Variants in HBEGF observed in about 807,000 individuals in gnomAD.
HBEGF encodes the protein heparin binding EGF like growth factor.
HBEGF carries 8 observed loss-of-function variants against 19.5 expected under a neutral mutation model. The ratio of observed to expected loss-of-function variants is 0.41; its 90% CI spans 0.24 to 0.74. HBEGF has a LOEUF of 0.74. Among genes scored for constraint, HBEGF ranks in the 30% least tolerant of loss-of-function variants. HBEGF has a pLI of 0.32. For synonymous variants in HBEGF, 97 were observed against 108.9 expected, an observed-to-expected ratio of 0.89 and a Z score of 0.68; for missense variants, 207 against 256.9, an observed-to-expected ratio of 0.81 and a Z score of 1.33.
intron 3 of HBEGF, among the ~76,000 whole-genome samples, chr5:140,336,689 C>T (rs1766232010): frequency 6.6e-6 from 1 of 152,270 alleles, no homozygotes; most frequent in Non-Finnish European, 1.5e-5. Context: ...TCTTTCATCA[C>T]AGGACAAACC....
chr5:140,343,983 C>G (rs1766355003), intron 2 of HBEGF, among the ~76,000 whole-genome samples: 1 of 152,050 alleles, frequency 6.6e-6, no homozygotes, highest in Non-Finnish European at 1.5e-5. Flanking sequence ...ACAAAAAATA[C>G]AAAAATTAGC....
chr5:140,334,559 G>A (rs1047702061), intron 5 of HBEGF, 99 bp downstream of exon 5: 12 of 809,684 alleles, frequency 1.5e-5, no homozygotes, highest in African/African-American at 5.1e-5. Flanking sequence ...CAGTAGCCTG[G>A]CCCCCAACCC....
Position 140,346,137 on chromosome 5 carries a change from C to G in HBEGF, c.47-53G>C, listed in dbSNP as rs1766396465. ...GACACCCGCCCAGACCCCTGACCAA[C>G]ACGCACCGATGCCGACGCCCGTCCG... On this transcript the variant is annotated intron_variant, in intron 1 of 5. Coordinates refer to ENST00000230990, the MANE Select transcript of HBEGF (RefSeq NM_001945.3). This position sits in a 1 kb window ranked among gnomAD's most constrained non-coding sequence, Gnocchi z 6.1. 1 of 1,585,036 alleles carries G rather than the reference C, an allele frequency of 6.3e-7. No homozygotes were observed. The highest frequency in any genetic ancestry group is 1.3e-5 in the African/African-American group (1 of 74,098).
intron 3 of HBEGF, among the ~76,000 whole-genome samples, chr5:140,338,563 C>T (rs1215765257): frequency 1.3e-5 from 2 of 152,126 alleles, no homozygotes; most frequent in Non-Finnish European, 2.9e-5. Context: ...CTCAGAGTCC[C>T]GCAATTCAGT....
At chr5:140,340,446 G>A (rs1766290400) in intron 3 of HBEGF, among the ~76,000 whole-genome samples, 1 of 151,812 alleles carries the variant, frequency 6.6e-6, no homozygotes, top group African/African-American at 2.4e-5. Context: ...AATTCGGCAT[G>A]GTGGCAGGTG....
chr5:140,345,369 A>G (rs1766379301), intron 2 of HBEGF, among the ~76,000 whole-genome samples: 1 of 152,134 alleles, frequency 6.6e-6, no homozygotes, highest in Admixed American at 6.5e-5. Flanking sequence ...ACAGCCCCCT[A>G]GGGGCTCAGT....
At chr5:140,344,247 C>T (rs1766359593) in intron 2 of HBEGF, among the ~76,000 whole-genome samples, 1 of 152,118 alleles carries the variant, frequency 6.6e-6, no homozygotes, top group Non-Finnish European at 1.5e-5. Flanking sequence ...CTCCAATGTC[C>T]TTCCTCACCA....
intron 5 of HBEGF, 142 bp from the exon 6 acceptor site, chr5:140,334,422 G>A: frequency 5.9e-6 from 3 of 506,946 alleles, no homozygotes; most frequent in South Asian, 5.9e-5. Context: ...GGAGGGGAAG[G>A]GAGGGGATGA....
At chr5:140,334,526 T>C in intron 5 of HBEGF, 132 bp downstream of exon 5, 1 of 707,942 alleles carries the variant, frequency 1.4e-6, no homozygotes. Flanking sequence ...TGAAAATAAT[T>C]CTGCAATGGG....
intron 4 of HBEGF, 137 bp downstream of exon 4, chr5:140,335,735 G>T: frequency 1.1e-6 from 1 of 932,032 alleles, no homozygotes; most frequent in South Asian, 1.7e-5. Flanking sequence ...CAGGTTTTTG[G>T]AGAATCTACA....
chr5:140,346,104 C>T lies in HBEGF; in HGVS notation c.47-20G>A. On this transcript the variant is annotated intron_variant, in intron 1 of 5. Transcript: ENST00000230990. The surrounding 1 kb of genome is among the most constrained non-coding windows in gnomAD (Gnocchi z 6.1). ...AGAGAACTGCGGGCGAGAGGCCAGG[C>T]CGCATCAGACACCCGCCCAGACCCC... 6 of 1,604,648 alleles carry T rather than the reference C, an allele frequency of 3.7e-6. No individual in the cohort carries two copies. Among genetic ancestry groups the T allele is most frequent in the Non-Finnish European group, 5.1e-6 (6 of 1,175,228 alleles).
At position 140,342,655 on chromosome 5, in the gene HBEGF, C is replaced by T. The variant is rs374423710; in HGVS notation, c.378G>A (p.Glu126=). Residue 126 remains glutamate (E), a synonymous_variant, in exon 3 of 6, where the codon GAG becomes GAA. Transcript: ENST00000230990. ...CTTACATGCAGGAGGGAGCCCGGAGCTCCTTCACATATTTGCATTCTCCAT... is the reference window on the plus strand; with the variant it reads ...CTTACATGCAGGAGGGAGCCCGGAGTTCCTTCACATATTTGCATTCTCCAT... ...CIHGECKYVK[E]LRAPSCICHP... The T allele has an allele frequency of 1.6e-5, 26 of 1,614,030 alleles. No homozygotes were observed. The highest frequency in any genetic ancestry group is 2.1e-5 in the Non-Finnish European group (25 of 1,180,034).
intron 3 of HBEGF, among the ~76,000 whole-genome samples, 191 bp from the exon 4 acceptor site, chr5:140,336,218 A>T (rs1766225496): frequency 6.6e-6 from 1 of 152,072 alleles, no homozygotes; most frequent in Non-Finnish European, 1.5e-5. Context: ...GCTCTGTAGC[A>T]TTCCTCTCTC....
chr5:140,345,464 G>A (rs1313903344), intron 2 of HBEGF, among the ~76,000 whole-genome samples: 1 of 152,182 alleles, frequency 6.6e-6, no homozygotes, highest in South Asian at 2.1e-4. Flanking sequence ...GTGGATGGAG[G>A]AGGCCAACAC....
chr5:140,346,458 G>T lies in HBEGF; in HGVS notation c.-130C>A. On this transcript the variant is annotated 5_prime_UTR_variant, in exon 1 of 6. Coordinates refer to ENST00000230990, the MANE Select transcript of HBEGF (RefSeq NM_001945.3). This position sits in a 1 kb window ranked among gnomAD's most constrained non-coding sequence, Gnocchi z 6.1. ...GGCACCGTCTGCCGCCCGCCTCTGC[G>T]TGCAAGCCTGGCCGGGACCCAGGCG... The T allele has an allele frequency of 2.0e-6, 2 of 994,974 alleles. No homozygotes were observed. Among genetic ancestry groups the T allele is most frequent in the Non-Finnish European group, 3.0e-6 (2 of 657,904 alleles). 61.6% of individuals were successfully genotyped at this position (994,974 alleles called of 1,614,324 possible).
intron 3 of HBEGF, among the ~76,000 whole-genome samples, chr5:140,338,365 TGTTAAACACCTCGCC>T (rs1293919493): frequency 6.6e-6 from 1 of 152,220 alleles, no homozygotes; most frequent in Non-Finnish European, 1.5e-5. Flanking sequence ...GCTTAGCTTT[TGTTAAACACCTCGCC>T]CAAGGTTACA....
rs1189016804 is a variant in HBEGF, at chr5:140,333,130, T to C, written c.*1169A>G. On this transcript the variant is annotated 3_prime_UTR_variant, in exon 6 of 6. Coordinates refer to ENST00000230990, the MANE Select transcript of HBEGF (RefSeq NM_001945.3). ...CTAATACCTTCTCCAGACTGTCCTC[T>C]GCTGCACTGACCCCTGCATGGAGTA... 1 of 152,728 alleles carries C rather than the reference T, an allele frequency of 6.5e-6. No individual in the cohort carries two copies. The highest frequency in any genetic ancestry group is 1.5e-5 in the Non-Finnish European group (1 of 68,072). 9.5% of individuals were successfully genotyped at this position (152,728 alleles called of 1,614,324 possible).
intron 3 of HBEGF, among the ~76,000 whole-genome samples, chr5:140,341,617 A>C (rs1164240273): frequency 1.3e-5 from 2 of 152,218 alleles, no homozygotes; most frequent in African/African-American, 4.8e-5. Flanking sequence ...TTAAAAAGCT[A>C]AGGGATCTGC....
rs373554879 is a variant in HBEGF at position 140,346,012 on chromosome 5, G to C, written c.119C>G (p.Pro40Arg). 6.2e-7 allele frequency: 1 copy of C among 1,614,106 alleles called. No homozygotes were observed. The highest frequency in any genetic ancestry group is 2.2e-5 in the East Asian group (1 of 44,872). Residue 40 changes from proline to arginine, a missense_variant, in exon 2 of 6, where the codon CCG becomes CGG. Physicochemically the swap from Pro to Arg is moderately radical, Grantham distance 103. Coordinates refer to ENST00000230990, the MANE Select transcript of HBEGF (RefSeq NM_001945.3). The surrounding 1 kb of genome is among the most constrained non-coding windows in gnomAD (Gnocchi z 6.1). ...GTCCGTGGATACAGTGGGAGGGTCC[G>C]GGTTGCTGGTTCCAGCAGCTAGCCC... ...RRGLAAGTSN[P>R]DPPTVSTDQL...
Sources: allele counts gnomAD v4.1 joint callset (sites outside exome capture counted in the v4.1 genomes callset), GRCh38; gene constraint gnomAD v4.1.1; non-coding constraint Gnocchi (gnomAD v3.1); transcripts MANE v1.5; gene names NCBI Gene and HGNC (gene_info 2026-07-23, HGNC 2026-07-21).